The following ZNF609 variants were observed in gnomAD, a reference collection of about 807,000 sequenced individuals.
The protein encoded by ZNF609 is zinc finger protein 609.
In ZNF609, 11 loss-of-function variants were observed where a neutral mutation model predicts 109.5. The observed-to-expected ratio is 0.10, with a 90% CI of 0.06 to 0.17. ZNF609 has a LOEUF of 0.17. ZNF609 is among the 10% of genes least tolerant of loss of function. The probability of loss-of-function intolerance (pLI) is 1.00; values close to 1 mark genes in which losing one functional copy is unlikely to be tolerated. For synonymous variants in ZNF609, 646 were observed against 662.0 expected (o/e 0.98, Z 0.37); for missense variants, 1,559 against 1,772.4 (o/e 0.88, Z 2.16).
At chr15:64,608,669 TTC>T (rs1350080889) in intron 2 of ZNF609, among the ~76,000 whole-genome samples, 3 of 152,150 alleles carry the variant, frequency 2.0e-5, no homozygotes, top group Admixed American at 6.6e-5. Flanking sequence ...TGCCAATCTG[TTC>T]TCTTTGTCTC....
chr15:64,537,815 G>C (rs1567008351), intron 2 of ZNF609, among the ~76,000 whole-genome samples: 1 of 152,006 alleles, frequency 6.6e-6, no homozygotes, highest in Non-Finnish European at 1.5e-5. Context: ...TATATCCTAG[G>C]GCTGGGCGCG....
intron 2 of ZNF609, among the ~76,000 whole-genome samples, chr15:64,590,985 T>C (rs1333349183): frequency 1.3e-5 from 2 of 152,110 alleles, no homozygotes; most frequent in African/African-American, 4.8e-5. Flanking sequence ...GGCAATACCA[T>C]AGAGTTTTCT....
Position 64,620,032 on chromosome 15 carries a change from C to T in ZNF609, c.748-2795C>T, listed in dbSNP as rs144354542. Among the ~76,000 whole-genome samples, 171 of 152,226 alleles carry T rather than the reference C, an allele frequency of 1.1e-3. 1 individual carries two copies. Among genetic ancestry groups the T allele is most frequent in the South Asian group, 1.9e-3 (9 of 4,816 alleles). ...GCTGAGAGAAAGTGTATAGGTGTCT[C>T]CCTGGGGTAAACTTCCTTCTGTGCC... On this transcript the variant is annotated intron_variant, in intron 2 of 9. Coordinates refer to ENST00000326648, the MANE Select transcript of ZNF609 (RefSeq NM_015042.2).
rs1896549269 is a variant in ZNF609 at position 64,659,910 on chromosome 15, C to G, written c.974-10436C>G. On this transcript the variant is annotated intron_variant, in intron 3 of 9. Coordinates refer to ENST00000326648, the MANE Select transcript of ZNF609 (RefSeq NM_015042.2). ...AGTGCAGTGGCATGATCTTGGCTCA[C>G]TGCAACCTCTGCCTCCTGGGCTCAA... Among the ~76,000 whole-genome samples the G allele has an allele frequency of 3.3e-5, 5 of 150,572 alleles. No individual in the cohort carries two copies. The South Asian group carries it at 1.0e-3, about 31-fold the overall frequency.
At chr15:64,577,047 T>C (rs9745171) in intron 2 of ZNF609, among the ~76,000 whole-genome samples, 3,950 of 93,222 alleles carry the variant, frequency 0.042, 568 homozygotes, top group African/African-American at 0.13. Context: ...TATATACACA[T>C]AAATATATAC....
At chr15:64,498,459 T>G (rs1407624945) in intron 1 of ZNF609, among the ~76,000 whole-genome samples, 1 of 152,236 alleles carries the variant, frequency 6.6e-6, no homozygotes, top group African/African-American at 2.4e-5. Flanking sequence ...CAGTATTACA[T>G]GAGAAAGTGA....
chr15:64,610,015 A>T (rs1047719246), intron 2 of ZNF609, among the ~76,000 whole-genome samples: 18 of 151,492 alleles, frequency 1.2e-4, no homozygotes, highest in Admixed American at 3.9e-4. Context: ...CTATCTCAAA[A>T]AATAATAATA....
At chr15:64,493,556 G>C (rs1314981433) in intron 1 of ZNF609, among the ~76,000 whole-genome samples, 1 of 152,146 alleles carries the variant, frequency 6.6e-6, no homozygotes, top group African/African-American at 2.4e-5. Context: ...CATGTAGCAA[G>C]GAATTTCTTA....
At chr15:64,616,852 A>G (rs1378577527) in intron 2 of ZNF609, among the ~76,000 whole-genome samples, 1 of 99,134 alleles carries the variant, frequency 1.0e-5, no homozygotes, top group African/African-American at 3.9e-5. Flanking sequence ...TCTGTCGCCC[A>G]GGATGGAGTA....
chr15:64,574,099 C>T (rs1894906839), intron 2 of ZNF609, among the ~76,000 whole-genome samples: 1 of 151,494 alleles, frequency 6.6e-6, no homozygotes, highest in Admixed American at 6.6e-5. Context: ...CCCCTGTTCA[C>T]TGAGGGGCTA....
chr15:64,548,485 G>A (rs765199215), intron 2 of ZNF609, among the ~76,000 whole-genome samples: 16 of 152,170 alleles, frequency 1.1e-4, no homozygotes, highest in Non-Finnish European at 1.9e-4. Context: ...CTTAGGCTGG[G>A]CTAGGTGGCT....
intron 6 of ZNF609, 69 bp from the exon 7 acceptor site, chr15:64,680,116 C>G (rs1390751615): frequency 3.9e-6 from 6 of 1,545,954 alleles, no homozygotes; most frequent in Admixed American, 1.8e-5. Context: ...CCCACCCAAT[C>G]AAGCTCACTA....
At chr15:64,517,250 G>A (rs577830321) in intron 2 of ZNF609, among the ~76,000 whole-genome samples, 2 of 152,106 alleles carry the variant, frequency 1.3e-5, no homozygotes, top group Admixed American at 1.3e-4. Context: ...AGTGGTGCAT[G>A]CCTGTAGTCC....
chr15:64,675,701 C>T lies in ZNF609; in HGVS notation c.2847C>T (p.Pro949=), dbSNP rs544131506. The change falls in exon 5 of 10, where the codon CCC becomes CCT. Residue 949 remains proline, a synonymous_variant. Transcript: ENST00000326648. The part of the protein sequence containing the change: ...VKNDICEEKK[P]ELSSSSQQPS... ...ACGATATCTGTGAAGAAAAGAAGCC[C>T]GAGCTGAGCAGTTCCAGTCAGCAGC... is the stretch of plus-strand genomic sequence containing the variant. 1.2e-5 allele frequency: 20 copies of T among 1,614,078 alleles called. No individual in the cohort carries two copies. Among genetic ancestry groups the T allele is most frequent in the Middle Eastern group, 1.6e-4 (1 of 6,062 alleles).
At chr15:64,560,638 A>G (rs1395657087) in intron 2 of ZNF609, among the ~76,000 whole-genome samples, 2 of 152,204 alleles carry the variant, frequency 1.3e-5, no homozygotes, top group African/African-American at 4.8e-5. Context: ...GGAAAAGAAC[A>G]GAGATGGAAA....
chr15:64,525,212 T>A (rs1233606934), intron 2 of ZNF609, among the ~76,000 whole-genome samples: 1 of 152,212 alleles, frequency 6.6e-6, no homozygotes, highest in Non-Finnish European at 1.5e-5. Flanking sequence ...TGGTTATAGC[T>A]CTTACATTTA....
At chr15:64,485,216 A>G (rs1566995439) in intron 1 of ZNF609, among the ~76,000 whole-genome samples, 1 of 152,182 alleles carries the variant, frequency 6.6e-6, no homozygotes, top group Non-Finnish European at 1.5e-5. Context: ...GCTTTAATGA[A>G]TACATGCAAA....
intron 2 of ZNF609, among the ~76,000 whole-genome samples, chr15:64,567,753 C>A (rs1012962515): frequency 6.6e-6 from 1 of 151,488 alleles, no homozygotes; most frequent in Non-Finnish European, 1.5e-5. Flanking sequence ...CCTCTGTCTC[C>A]CGGGTTCAAG....
intron 1 of ZNF609, among the ~76,000 whole-genome samples, chr15:64,474,095 A>T (rs918192268): frequency 2.7e-5 from 4 of 150,082 alleles, no homozygotes; most frequent in African/African-American, 9.9e-5. Flanking sequence ...TTTAGTAGAG[A>T]CGGGGTTTCA....
Sources: gnomAD v4.1 joint callset for allele counts (sites outside exome capture counted in the v4.1 genomes callset) on GRCh38, gnomAD v4.1.1 for gene constraint, MANE v1.5 for transcripts, NCBI Gene and HGNC (gene_info 2026-07-23, HGNC 2026-07-21) for gene names.